SLC25A12: variants seen among roughly 807,000 people sequenced by gnomAD.
SLC25A12 encodes electrogenic aspartate/glutamate antiporter SLC25A12, mitochondrial.
A neutral mutation model predicts 83.3 loss-of-function variants in SLC25A12; 32 were observed. That is an observed-to-expected ratio of 0.38 (90% CI 0.29 to 0.52). SLC25A12 has a LOEUF of 0.52. SLC25A12 is among the 20% of genes least tolerant of loss of function. SLC25A12 has a pLI of 0.84. For missense variants in SLC25A12, 611 were observed against 835.6 expected, an observed-to-expected ratio of 0.73 and a Z score of 3.31; for synonymous variants, 267 against 291.1, an observed-to-expected ratio of 0.92 and a Z score of 0.84.
intron 4 of SLC25A12, among the ~76,000 whole-genome samples, chr2:171,851,275 C>A (rs1482263893): frequency 6.6e-6 from 1 of 151,532 alleles, no homozygotes; most frequent in Non-Finnish European, 1.5e-5. Flanking sequence ...CTCACTGCAA[C>A]CTCCACCTTC....
chr2:171,812,799 CTT>C (rs5836353), intron 11 of SLC25A12, among the ~76,000 whole-genome samples: 137 of 143,134 alleles, frequency 9.6e-4, no homozygotes, highest in East Asian at 3.3e-3. Context: ...AAGGGTTTTC[CTT>C]TTTTTTTTTT....
intron 3 of SLC25A12, among the ~76,000 whole-genome samples, chr2:171,863,322 G>C (rs527609428): frequency 6.6e-6 from 1 of 152,038 alleles, no homozygotes; most frequent in Non-Finnish European, 1.5e-5. Flanking sequence ...TCAGGAGTTC[G>C]AGACAACAAG....
intron 4 of SLC25A12, among the ~76,000 whole-genome samples, chr2:171,848,754 G>A (rs983443258): frequency 6.6e-6 from 1 of 152,344 alleles, no homozygotes; most frequent in Non-Finnish European, 1.5e-5. Flanking sequence ...TTAGTTTCCT[G>A]AATGACCTCC....
At chr2:171,827,719 T>G (rs750998081) in intron 8 of SLC25A12, among the ~76,000 whole-genome samples, 2 of 152,236 alleles carry the variant, frequency 1.3e-5, no homozygotes, top group Non-Finnish European at 2.9e-5. Flanking sequence ...TGTTTGTGCG[T>G]TTTGTCCAAT....
intron 2 of SLC25A12, among the ~76,000 whole-genome samples, chr2:171,875,895 C>T (rs984418646): frequency 8.9e-6 from 1 of 111,760 alleles, no homozygotes; most frequent in African/African-American, 3.4e-5. Context: ...CCTGGGCGAG[C>T]GCAAGACTCT....
At chr2:171,810,862 G>A (rs1352853133) in intron 11 of SLC25A12, among the ~76,000 whole-genome samples, 3 of 152,190 alleles carry the variant, frequency 2.0e-5, no homozygotes, top group East Asian at 3.8e-4. Flanking sequence ...ATTGTTTAAC[G>A]AGTATCTCCT....
rs760496959 is a variant in SLC25A12, at chr2:171,787,652, A to G, written c.1754T>C (p.Phe585Ser). The change falls in exon 17 of 18, where the codon TTT becomes TCT. Residue 585 changes from phenylalanine to serine, a missense_variant. This residue lies in a region of SLC25A12 where 540 missense variants were observed against 777.5 expected (regional missense o/e 0.69). Coordinates refer to ENST00000422440, the MANE Select transcript of SLC25A12 (RefSeq NM_003705.5). ...AFWKGTAARV[F>S]RSSPQFGVTL... ...AACACCAAACTGGGGAGAGGATCGA[A>G]ACACTCGAGCTGAAAAAGAGAAGCA... 3.1e-6 allele frequency: 5 copies of G among 1,614,116 alleles called. No individual in the cohort carries two copies. The highest frequency in any genetic ancestry group is 4.2e-6 in the Non-Finnish European group (5 of 1,179,966).
rs746606061 is a variant in SLC25A12 at position 171,844,418 on chromosome 2, T to C, written c.416A>G (p.His139Arg). Reference sequence around the variant, plus strand: ...GTAGTTAAGATGCTTCTTCCGGTTATGCCCAAAATGCAGTCGGATAAATTC... The same window carrying C: ...GTAGTTAAGATGCTTCTTCCGGTTACGCCCAAAATGCAGTCGGATAAATTC... ...DCEFIRLHFG[H>R]NRKKHLNYTE... The change falls in exon 5 of 18, where the codon CAT becomes CGT. Residue 139 changes from histidine to arginine, a missense_variant. Physicochemically the swap from His to Arg is conservative, Grantham distance 29. This residue lies in a region of SLC25A12 where 540 missense variants were observed against 777.5 expected (regional missense o/e 0.69). Transcript: ENST00000422440. 3.7e-6 allele frequency: 6 copies of C among 1,614,070 alleles called. No individual in the cohort carries two copies. The highest frequency in any genetic ancestry group is 4.2e-6 in the Non-Finnish European group (5 of 1,179,962).
chr2:171,883,335 A>G (rs1440088803), intron 2 of SLC25A12, among the ~76,000 whole-genome samples: 1 of 152,224 alleles, frequency 6.6e-6, no homozygotes, highest in Non-Finnish European at 1.5e-5. Flanking sequence ...GACAGATGAG[A>G]AAACAGGCTC....
At chr2:171,791,712 T>C in intron 14 of SLC25A12, 123 bp from the exon 15 acceptor site, 1 of 882,142 alleles carries the variant, frequency 1.1e-6, no homozygotes, top group Non-Finnish European at 1.9e-6. Flanking sequence ...GCCTGAGGTG[T>C]CCCTTAAACA....
intron 2 of SLC25A12, chr2:171,871,875 C>T (rs1264554388): frequency 5.3e-6 from 1 of 189,174 alleles, no homozygotes; most frequent in African/African-American, 2.5e-5. Context: ...GCCAAGATTG[C>T]ACCACTGCAC....
In SLC25A12 at chr2:171,823,945, A is replaced by C. The variant is rs1478173233; in HGVS notation, c.930+2853T>G. ...GACAGAGTGAGACCCTGTCTCCACA[A>C]AAAAAAAAAAAAATTGTCCTGAGAC... On this transcript the variant is annotated intron_variant, in intron 9 of 17. Transcript: ENST00000422440. 3.9e-3 allele frequency among the ~76,000 whole-genome samples: 4 copies of C among 1,038 alleles called. No individual in the cohort carries two copies. In the African/African-American group the frequency reaches 0.071, roughly 19 times the overall value. The allele number at this position is 1,038 out of a possible 152,430, so 0.7% of individuals were successfully genotyped here.
intron 4 of SLC25A12, among the ~76,000 whole-genome samples, chr2:171,852,410 A>G (rs1684953052): frequency 6.6e-6 from 1 of 152,260 alleles, no homozygotes; most frequent in African/African-American, 2.4e-5. Context: ...TTATCATCAT[A>G]GTCTACAAGA....
Position 171,787,895 on chromosome 2 carries a change from C to A in SLC25A12, c.1638G>T (p.Leu546=). Residue 546 remains leucine (L), a synonymous_variant, in exon 16 of 18, where the codon CTG becomes CTT. Coordinates refer to ENST00000422440, the MANE Select transcript of SLC25A12 (RefSeq NM_003705.5). ...TCTGGCCAGCGCGGGCAGCCACCTG[C>A]AGTCTTGTCTTGATGACATCAGCAG... ...VTPADVIKTR[L]QVAARAGQTT... 6.2e-7 allele frequency: 1 copy of A among 1,614,250 alleles called. No individual in the cohort carries two copies. Among genetic ancestry groups the A allele is most frequent in the South Asian group, 1.1e-5 (1 of 91,088 alleles).
At chr2:171,837,349 A>ATCTG in intron 5 of SLC25A12, 82 bp from the exon 6 acceptor site, 7 of 1,402,492 alleles carry the variant, frequency 5.0e-6, no homozygotes, top group Non-Finnish European at 7.1e-6. Context: ...AAGGACAGAT[A>ATCTG]TCCTTCCCAC....
intron 3 of SLC25A12, among the ~76,000 whole-genome samples, chr2:171,864,738 T>G (rs1372123759): frequency 6.6e-6 from 1 of 152,238 alleles, no homozygotes; most frequent in African/African-American, 2.4e-5. Flanking sequence ...ACCTCTTCTG[T>G]GATGCTGTCC....
rs149103006 is a variant in SLC25A12, at chr2:171,798,355, C to T, written c.1306-4588G>A. 2.5e-3 allele frequency among the ~76,000 whole-genome samples: 380 copies of T among 152,318 alleles called. 2 individuals are homozygous for T. Among genetic ancestry groups the T allele is most frequent in the Non-Finnish European group, 4.0e-3 (270 of 68,026 alleles). On this transcript the variant is annotated intron_variant, in intron 13 of 17. Coordinates refer to ENST00000422440, the MANE Select transcript of SLC25A12 (RefSeq NM_003705.5). ...TCAATCCTACCCCTGGGGCAAGGTT[C>T]ACAAAGAGGTTGGAGGCTGGGCCCT...
chr2:171,791,834 G>A (rs1009322668), intron 14 of SLC25A12, among the ~76,000 whole-genome samples: 6 of 152,162 alleles, frequency 3.9e-5, no homozygotes, highest in Non-Finnish European at 7.3e-5. Context: ...CAGTCCTAGA[G>A]TTAATAACTG....
intron 5 of SLC25A12, among the ~76,000 whole-genome samples, chr2:171,843,615 G>C (rs576422073): frequency 1.9e-4 from 29 of 151,952 alleles, no homozygotes; most frequent in Non-Finnish European, 3.5e-4. Context: ...CTGAGCAACA[G>C]AGCCAGACTC....
Sources: gnomAD v4.1 joint callset for allele counts (sites outside exome capture counted in the v4.1 genomes callset) on GRCh38, gnomAD v4.1.1 for gene constraint, gnomAD v4.1.1 regional missense constraint, MANE v1.5 for transcripts, NCBI Gene and HGNC (gene_info 2026-07-23, HGNC 2026-07-21) for gene names.